The following COL5A1 variants were observed in gnomAD, a reference collection of about 807,000 sequenced individuals.
COL5A1 encodes the protein collagen type V alpha 1 chain.
Under a neutral mutation model 263.7 loss-of-function variants are expected in COL5A1, and 16 were observed. That is an observed-to-expected ratio of 0.06 (90% confidence interval 0.04 to 0.09). The LOEUF (loss-of-function observed/expected upper bound fraction) is 0.09. Among genes scored for constraint, COL5A1 ranks in the 10% least tolerant of loss-of-function variants. The probability of loss-of-function intolerance (pLI) is 1.00; values close to 1 mark genes in which losing one functional copy is unlikely to be tolerated. For synonymous variants in COL5A1, 1,012 were observed against 1,004.5 expected, an observed-to-expected ratio of 1.01 and a Z score of -0.14; for missense variants, 2,036 against 2,540.5, an observed-to-expected ratio of 0.80 and a Z score of 4.27.
chr9:134,687,437 A>G (rs1424937270), intron 1 of COL5A1, among the ~76,000 whole-genome samples: 1 of 151,548 alleles, frequency 6.6e-6, no homozygotes, highest in Non-Finnish European at 1.5e-5. Context: ...CCATCCATCC[A>G]TCCATCCATC....
At chr9:134,732,016 T>G (rs1834901201) in intron 8 of COL5A1, 55 bp from the exon 9 acceptor site, 4 of 1,600,222 alleles carry the variant, frequency 2.5e-6, no homozygotes, top group African/African-American at 1.3e-5. Context: ...AATCTGGACT[T>G]TCTTTCTCAC....
chr9:134,818,708 A>C lies in COL5A1; in HGVS notation c.4283A>C (p.Gln1428Pro). The C allele has an allele frequency of 6.2e-7, 1 of 1,609,788 alleles. No individual in the cohort carries two copies. Among genetic ancestry groups the C allele is most frequent in the East Asian group, 2.2e-5 (1 of 44,684 alleles). Residue 1428 changes from glutamine to proline, a missense_variant, in exon 55 of 66, where the codon CAG becomes CCG. Physicochemically the swap from Gln to Pro is moderately conservative, Grantham distance 76 (BLOSUM62 -1). This residue lies in a region of COL5A1 where 1,078 missense variants were observed against 1,521.4 expected (regional missense o/e 0.71). Transcript: ENST00000371817. This position sits in a 1 kb window ranked among gnomAD's most constrained non-coding sequence, Gnocchi z 6.0. Reference sequence around the variant, plus strand: ...GGGAAGACTGGCCCCATCGGCCCCCAGGGGGCCCCTGGGAAGCCCGGACCG... The same window carrying C: ...GGGAAGACTGGCCCCATCGGCCCCCCGGGGGCCCCTGGGAAGCCCGGACCG... ...PPGKTGPIGP[Q>P]GAPGKPGPDG...
In COL5A1 at chr9:134,759,403, A is replaced by ACC. The variant is rs200419170; in HGVS notation, c.1935+1109_1935+1110dup. Among the ~76,000 whole-genome samples, 73 of 116,544 alleles carry ACC rather than the reference A, an allele frequency of 6.3e-4. 3 individuals carry two copies. Among genetic ancestry groups the ACC allele is most frequent in the African/African-American group, 2.6e-3 (70 of 26,854 alleles). The allele number at this position is 116,544 out of a possible 152,430, so 76.5% of individuals were successfully genotyped here. On this transcript the variant is annotated intron_variant, in intron 18 of 65. Coordinates refer to ENST00000371817, the MANE Select transcript of COL5A1 (RefSeq NM_000093.5). ...CACACATGCACACATACGCATACAC[A>ACC]CCCACACACACCCACACTCATACAC...
chr9:134,759,822 ACCCACACCCCCCCACTCACGCACACC>A (rs1836222483), intron 18 of COL5A1, among the ~76,000 whole-genome samples: 2 of 62,764 alleles, frequency 3.2e-5, no homozygotes, highest in African/African-American at 7.8e-5. Flanking sequence ...ACGCATACAC[ACCCACACCCCCCCACTCACGCACACC>A]CCCACACCCC....
chr9:134,665,387 T>C (rs902568474), intron 1 of COL5A1, among the ~76,000 whole-genome samples: 1 of 152,212 alleles, frequency 6.6e-6, no homozygotes, highest in Non-Finnish European at 1.5e-5. Context: ...GATGAAGTTT[T>C]CATTTGCTGA....
chr9:134,760,483 GCA>G (rs749651417), intron 18 of COL5A1, among the ~76,000 whole-genome samples: 89 of 58,844 alleles, frequency 1.5e-3, no homozygotes, highest in Non-Finnish European at 2.3e-3. Context: ...ATACACACAT[GCA>G]CACACACCAC....
In COL5A1 at chr9:134,772,805, G is replaced by C; in HGVS notation, c.2302G>C (p.Glu768Gln). The change falls in exon 26 of 66, where the codon GAA becomes CAA. Residue 768 changes from glutamate (E) to glutamine (Q), a missense_variant. This residue lies in a region of COL5A1 where 1,078 missense variants were observed against 1,521.4 expected (regional missense o/e 0.71). Coordinates refer to ENST00000371817, the MANE Select transcript of COL5A1 (RefSeq NM_000093.5). ...TTTGTGACAGGGACACCCTGGCAAA[G>C]AAGGCCCTCCAGGAGAGAAAGGAGG... ...ADGPPGHPGK[E>Q]GPPGEKGGQG... 1 of 1,614,066 alleles carries C rather than the reference G, an allele frequency of 6.2e-7. No individual in the cohort carries two copies. The highest frequency in any genetic ancestry group is 8.5e-7 in the Non-Finnish European group (1 of 1,180,024).
Position 134,811,668 on chromosome 9 carries a change from TCTC to T in COL5A1, c.3690+73_3690+75del, listed in dbSNP as rs1838531376. 4 of 1,275,800 alleles carry T rather than the reference TCTC, an allele frequency of 3.1e-6. No individual in the cohort carries two copies. The South Asian group carries it at 5.1e-5, about 16-fold the overall frequency. The allele number at this position is 1,275,800 out of a possible 1,614,324, so 79.0% of individuals were successfully genotyped here. A position where few individuals can be genotyped will look rare whatever the true frequency, so the allele number is the denominator to read the frequency against. On this transcript the variant is annotated intron_variant, in intron 46 of 65. Transcript: ENST00000371817. ...CGCCCCCTGTGTCTTCATTGTGCTC[TCTC>T]CTCTTGTCTTTTTAAGAATGGAAAA...
At chr9:134,657,642 G>A (rs1832060493) in intron 1 of COL5A1, among the ~76,000 whole-genome samples, 1 of 144,606 alleles carries the variant, frequency 6.9e-6, no homozygotes, top group African/African-American at 2.6e-5. Flanking sequence ...GGTGGGGTAG[G>A]GGGTGCAGTT....
At position 134,796,790 on chromosome 9, in the gene COL5A1, G is replaced by A. The variant is rs566749002; in HGVS notation, c.2845-58G>A. The A allele has an allele frequency of 1.2e-5, 18 of 1,523,922 alleles. No individual in the cohort carries two copies. The African/African-American group carries it at 1.6e-4, about 14-fold the overall frequency. The allele number at this position is 1,523,922 out of a possible 1,614,324, so 94.4% of individuals were successfully genotyped here. Reference sequence around the variant, plus strand: ...GAGCCACCGGCACAGGCAGGTCAGCGGCAGGAGCTGCTCGGGAGAGACCTC... The same window carrying A: ...GAGCCACCGGCACAGGCAGGTCAGCAGCAGGAGCTGCTCGGGAGAGACCTC... On this transcript the variant is annotated intron_variant, in intron 35 of 65. Coordinates refer to ENST00000371817, the MANE Select transcript of COL5A1 (RefSeq NM_000093.5).
intron 9 of COL5A1, chr9:134,732,512 A>C: frequency 2.5e-6 from 1 of 397,084 alleles, no homozygotes; most frequent in Non-Finnish European, 4.7e-6. Flanking sequence ...CGTGTAAAAG[A>C]TGCGCGCGGC....
At position 134,832,532 on chromosome 9, in the gene COL5A1, C is replaced by T. The variant is rs185646531; in HGVS notation, c.5137-2439C>T. Reference sequence around the variant, plus strand: ...AGGAGAGCAGGGCCTCACTGTGGGACCCTGGGGTTCCAATGCAGGGCAGCG... The same window carrying T: ...AGGAGAGCAGGGCCTCACTGTGGGATCCTGGGGTTCCAATGCAGGGCAGCG... On this transcript the variant is annotated intron_variant, in intron 64 of 65. Transcript: ENST00000371817. 8.5e-4 allele frequency among the ~76,000 whole-genome samples: 129 copies of T among 152,326 alleles called. 6 individuals are homozygous for T. In the East Asian group the frequency reaches 0.02, roughly 24 times the overall value.
rs1432763103 is a variant in COL5A1 at position 134,821,385 on chromosome 9, G to A, written c.4555-712G>A. 2.0e-5 allele frequency among the ~76,000 whole-genome samples: 3 copies of A among 152,168 alleles called. No homozygotes were observed. Among genetic ancestry groups the A allele is most frequent in the African/African-American group, 7.2e-5 (3 of 41,426 alleles). ...AAGTTCCTGCAGGGACAAGGTGAAG[G>A]GAGGGAAGCGCTCCCTCCCCAGTGA... On this transcript the variant is annotated intron_variant, in intron 58 of 65. Coordinates refer to ENST00000371817, the MANE Select transcript of COL5A1 (RefSeq NM_000093.5). The surrounding 1 kb of genome is among the most constrained non-coding windows in gnomAD (Gnocchi z 4.2).
At chr9:134,812,813 C>T in intron 48 of COL5A1, 101 bp downstream of exon 48, 2 of 854,036 alleles carry the variant, frequency 2.3e-6, no homozygotes, top group Non-Finnish European at 3.9e-6. Flanking sequence ...TGTGCGCATG[C>T]ACACGCTTGT....
Position 134,758,414 on chromosome 9 carries a change from C to A in COL5A1, c.1935+118C>A. 2 of 1,011,710 alleles carry A rather than the reference C, an allele frequency of 2.0e-6. No homozygotes were observed. Among genetic ancestry groups the A allele is most frequent in the Non-Finnish European group, 3.1e-6 (2 of 652,004 alleles). The allele number at this position is 1,011,710 out of a possible 1,614,324, so 62.7% of individuals were successfully genotyped here. On this transcript the variant is annotated intron_variant, in intron 18 of 65. Transcript: ENST00000371817. The surrounding 1 kb of genome is among the most constrained non-coding windows in gnomAD (Gnocchi z 4.1). The stretch of plus-strand genomic sequence containing the variant: ...CTGTGGGGTCAGGTCTCCGCCATTC[C>A]AACAGTCAGTATACAAACCTCACGG...
chr9:134,681,192 G>C lies in COL5A1; in HGVS notation c.110-9720G>C, dbSNP rs1832846596. Among the ~76,000 whole-genome samples, 1 of 152,206 alleles carries C rather than the reference G, an allele frequency of 6.6e-6. No individual in the cohort carries two copies. The highest frequency in any genetic ancestry group is 1.5e-5 in the Non-Finnish European group (1 of 68,034). On this transcript the variant is annotated intron_variant, in intron 1 of 65. Coordinates refer to ENST00000371817, the MANE Select transcript of COL5A1 (RefSeq NM_000093.5). The surrounding 1 kb of genome is among the most constrained non-coding windows in gnomAD (Gnocchi z 4.3). ...CTGGGGTGGGGGGGCCTCAGCCCTG[G>C]GCCAGACCCTCCCTGGTGGCTCGAT...
At position 134,681,843 on chromosome 9, in the gene COL5A1, C is replaced by T. The variant is rs995722466; in HGVS notation, c.110-9069C>T. 1.3e-5 allele frequency among the ~76,000 whole-genome samples: 2 copies of T among 152,058 alleles called. No homozygotes were observed. The highest frequency in any genetic ancestry group is 4.8e-5 in the African/African-American group (2 of 41,400). On this transcript the variant is annotated intron_variant, in intron 1 of 65. Transcript: ENST00000371817. The surrounding 1 kb of genome is among the most constrained non-coding windows in gnomAD (Gnocchi z 4.3). ...GAAGTTAAGGATATTGACTTTGGGG[C>T]CTGCAGAAACCTCCCCTCTCTTCCT...
chr9:134,822,031 A>C, intron 58 of COL5A1, 66 bp from the exon 59 acceptor site: 1 of 1,407,160 alleles, frequency 7.1e-7, no homozygotes, highest in South Asian at 1.2e-5. Flanking sequence ...GCTGGGTAGC[A>C]GGGTTGCAGC....
rs1833097794 is a variant in COL5A1, at chr9:134,686,897, C to T, written c.110-4015C>T. Among the ~76,000 whole-genome samples, 1 of 152,092 alleles carries T rather than the reference C, an allele frequency of 6.6e-6. No homozygotes were observed. Among genetic ancestry groups the T allele is most frequent in the Non-Finnish European group, 1.5e-5 (1 of 68,020 alleles). On this transcript the variant is annotated intron_variant, in intron 1 of 65. Transcript: ENST00000371817. This position sits in a 1 kb window ranked among gnomAD's most constrained non-coding sequence, Gnocchi z 4.6. ...TCCCATAGGTGGTTCCAGGGAGGCT[C>T]CTGGTTTCAGTGCACACAGCTGATG...
Sources: gnomAD v4.1 joint callset for allele counts (sites outside exome capture counted in the v4.1 genomes callset) on GRCh38, gnomAD v4.1.1 for gene constraint, gnomAD v4.1.1 regional missense constraint, Gnocchi (gnomAD v3.1) non-coding constraint, MANE v1.5 for transcripts, NCBI Gene and HGNC (gene_info 2026-07-23, HGNC 2026-07-21) for gene names.